Variants in LRRC66 observed in about 807,000 individuals in gnomAD.
LRRC66 encodes leucine rich repeat containing 66.
LRRC66 carries 29 observed loss-of-function variants against 24.6 expected under a neutral mutation model. The observed-to-expected ratio is 1.18, with a 90% CI of 0.88 to 1.61. LRRC66 has a LOEUF of 1.61. Among genes scored for constraint, LRRC66 ranks in the 40% most tolerant of loss-of-function variants. The pLI, the probability that LRRC66 is intolerant of heterozygous loss-of-function variation, is 0.00. For synonymous variants in LRRC66, 411 were observed against 397.6 expected (o/e 1.03, Z -0.40); for missense variants, 1,124 against 1,058.0 (o/e 1.06, Z -0.87).
Position 52,003,338 on chromosome 4 carries a change from A to C in LRRC66, c.551T>G (p.Leu184Trp). Residue 184 changes from leucine (L) to tryptophan (W), a missense_variant, in exon 3 of 5, where the codon TTG becomes TGG. Transcript: ENST00000682860. ...GTGAAAATCAGACCACCCTATTTGCAATATCCCATTGAATGACAGATCCAA... is the reference window on the plus strand; with the variant it reads ...GTGAAAATCAGACCACCCTATTTGCCATATCCCATTGAATGACAGATCCAA... ...QSLDLSFNGILQIGWSDFHNC... is the reference protein window; with the variant it reads ...QSLDLSFNGIWQIGWSDFHNC... 1 of 1,613,932 alleles carries C rather than the reference A, an allele frequency of 6.2e-7. No individual in the cohort carries two copies. Among genetic ancestry groups the C allele is most frequent in the Admixed American group, 1.7e-5 (1 of 60,004 alleles).
Position 51,995,916 on chromosome 4 carries a change from T to G in LRRC66, c.1106A>C (p.Glu369Ala), listed in dbSNP as rs1280535773. ...TRDVQAAGKK[E>A]DAPQDLALAV... is the part of the protein sequence containing the mutation. ...CAGAGCCAGGTCCTGGGGAGCGTCC[T>G]CTTTTTTGCCGGCAGCCTGCACATC... The change falls in exon 5 of 5, where the codon GAG becomes GCG. Residue 369 changes from glutamate (E) to alanine (A), a missense_variant. Physicochemically the swap from Glu to Ala is moderately radical, Grantham distance 107. Transcript: ENST00000682860. The G allele has an allele frequency of 1.2e-6, 2 of 1,613,838 alleles. No homozygotes were observed. Among genetic ancestry groups the G allele is most frequent in the Non-Finnish European group, 1.7e-6 (2 of 1,179,874 alleles).
intron 2 of LRRC66, among the ~76,000 whole-genome samples, chr4:52,016,791 T>C (rs749939022): frequency 6.6e-6 from 1 of 152,214 alleles, no homozygotes; most frequent in Non-Finnish European, 1.5e-5. Flanking sequence ...TATTGCTCAG[T>C]GCTTTTCTAT....
chr4:52,011,346 T>C lies in LRRC66; in HGVS notation c.496+5772A>G, dbSNP rs568389733. ...TCTGCCTTCTTAGTTGAGTATCTTATATACTTTTTGTTTTAATTATCTTGA... is the reference window on the plus strand; with the variant it reads ...TCTGCCTTCTTAGTTGAGTATCTTACATACTTTTTGTTTTAATTATCTTGA... On this transcript the variant is annotated intron_variant, in intron 2 of 4. Transcript: ENST00000682860. Among the ~76,000 whole-genome samples, 7 of 152,344 alleles carry C rather than the reference T, an allele frequency of 4.6e-5. No homozygotes were observed. In the South Asian group the frequency reaches 8.3e-4, roughly 18 times the overall value.
At chr4:52,006,696 TATAATAATAATA>T (rs71660471) in intron 2 of LRRC66, among the ~76,000 whole-genome samples, 26 of 132,828 alleles carry the variant, frequency 2.0e-4, no homozygotes, top group African/African-American at 5.7e-4. Flanking sequence ...AAACTTAAAG[TATAATAATAATA>T]ATAATAATAA....
intron 2 of LRRC66, among the ~76,000 whole-genome samples, chr4:52,006,410 A>G (rs1433883822): frequency 2.0e-5 from 3 of 152,082 alleles, no homozygotes; most frequent in African/African-American, 7.2e-5. Flanking sequence ...AGGGACATGG[A>G]TGAAATTGGA....
At chr4:52,007,710 T>G (rs1466727766) in intron 2 of LRRC66, among the ~76,000 whole-genome samples, 8 of 152,186 alleles carry the variant, frequency 5.3e-5, no homozygotes, top group Non-Finnish European at 1.0e-4. Context: ...CCCACTGAGT[T>G]GAGTTTGGCC....
intron 2 of LRRC66, among the ~76,000 whole-genome samples, chr4:52,013,316 A>G (rs566221743): frequency 3.3e-5 from 5 of 152,156 alleles, no homozygotes; most frequent in African/African-American, 1.2e-4. Context: ...GTATTATTTT[A>G]TCTTATTTCT....
In LRRC66 at chr4:52,017,513, G is replaced by T. The variant is rs760520412; in HGVS notation, c.101C>A (p.Ser34Tyr). ...AATATATTCATTCCATTGGCATTCA[G>T]AATTGAATAAAATATTGCTTTTTCT... ...ASRKSNILFNSECQWNEYILT... is the reference protein window; with the variant it reads ...ASRKSNILFNYECQWNEYILT... Residue 34 changes from serine to tyrosine, a missense_variant, in exon 2 of 5, where the codon TCT becomes TAT. Coordinates refer to ENST00000682860, the MANE Select transcript of LRRC66 (RefSeq NM_001024611.3). 4.3e-6 allele frequency: 7 copies of T among 1,613,326 alleles called. No individual in the cohort carries two copies. In the South Asian group the frequency reaches 7.7e-5, roughly 18 times the overall value.
At position 51,994,948 on chromosome 4, in the gene LRRC66, G is replaced by A; in HGVS notation, c.2074C>T (p.Pro692Ser). 1.2e-6 allele frequency: 2 copies of A among 1,614,122 alleles called. No individual in the cohort carries two copies. The highest frequency in any genetic ancestry group is 1.7e-6 in the Non-Finnish European group (2 of 1,180,040). Residue 692 changes from proline to serine, a missense_variant, in exon 5 of 5, where the codon CCT (proline) becomes TCT (serine). Physicochemically the swap from Pro to Ser is moderately conservative, Grantham distance 74. Transcript: ENST00000682860. ...TCCAACTCACAGCAAGTGTCAGAAG[G>A]AGTGGATTTCTGCACTGGTTCCTTG... ...ANKEPVQKST[P>S]SDTCCELESD...
chr4:51,995,268 G>A lies in LRRC66; in HGVS notation c.1754C>T (p.Thr585Ile). ...TGTTAGCATTTTACAGAGGGAAGCT[G>A]TTATTTCTCCGGAGAGGGAAGGGTC... is the stretch of plus-strand genomic sequence containing the variant. ...ELDPSLSGEI[T>I]ASLCKMLTHA... The change falls in exon 5 of 5, where the codon ACA becomes ATA. Residue 585 changes from threonine (T) to isoleucine (I), a missense_variant. Thr to Ile is a moderately conservative substitution (Grantham distance 89). Coordinates refer to ENST00000682860, the MANE Select transcript of LRRC66 (RefSeq NM_001024611.3). 1 of 1,614,234 alleles carries A rather than the reference G, an allele frequency of 6.2e-7. No homozygotes were observed. The highest frequency in any genetic ancestry group is 8.5e-7 in the Non-Finnish European group (1 of 1,180,046).
chr4:52,017,962 C>A (rs1736858351), intron 1 of LRRC66: 5 of 985,328 alleles, frequency 5.1e-6, no homozygotes, highest in Non-Finnish European at 6.0e-6. Context: ...TTAAAGACTT[C>A]CCTGTTTCTT....
rs751520249 is a variant in LRRC66 at position 52,017,130 on chromosome 4, C to G, written c.484G>C (p.Asp162His). 6.2e-7 allele frequency: 1 copy of G among 1,612,994 alleles called. No homozygotes were observed. The highest frequency in any genetic ancestry group is 1.3e-5 in the African/African-American group (1 of 74,884). Residue 162 changes from aspartate to histidine, a missense_variant, in exon 2 of 5, where the codon GAC (aspartate) becomes CAC (histidine). Asp to His is a moderately conservative substitution (Grantham distance 81). Coordinates refer to ENST00000682860, the MANE Select transcript of LRRC66 (RefSeq NM_001024611.3). The part of the protein sequence containing the change: ...VLILQRNKLS[D>H]TPKGLWKLKS... ...AAATTGTACTCACCCTTGGGAGTGT[C>G]ACTGAGTTTATTTCTTTGAAGAATG... is the stretch of plus-strand genomic sequence containing the variant.
At chr4:52,019,549 T>A (rs1030504575) in intron 1 of LRRC66, among the ~76,000 whole-genome samples, 1 of 152,214 alleles carries the variant, frequency 6.6e-6, no homozygotes, top group Admixed American at 6.5e-5. Context: ...TTCAAGGGCA[T>A]TTAAATTCAG....
At chr4:51,998,641 C>A (rs1214423613) in intron 3 of LRRC66, among the ~76,000 whole-genome samples, 2 of 152,156 alleles carry the variant, frequency 1.3e-5, no homozygotes, top group Non-Finnish European at 2.9e-5. Flanking sequence ...ACTTATTTTT[C>A]TAGTCTGATC....
intron 2 of LRRC66, among the ~76,000 whole-genome samples, chr4:52,015,903 G>A (rs1307295515): frequency 6.6e-6 from 1 of 151,990 alleles, no homozygotes; most frequent in African/African-American, 2.4e-5. Context: ...ATCCAATTTT[G>A]AAAGAAAAAG....
chr4:52,011,614 A>C (rs1359615218), intron 2 of LRRC66, among the ~76,000 whole-genome samples: 1 of 152,188 alleles, frequency 6.6e-6, no homozygotes, highest in Non-Finnish European at 1.5e-5. Flanking sequence ...CAGGGCAGGA[A>C]ATATAGAATT....
chr4:51,999,043 A>G (rs1362305958), intron 3 of LRRC66, among the ~76,000 whole-genome samples: 2 of 152,182 alleles, frequency 1.3e-5, no homozygotes, highest in Non-Finnish European at 2.9e-5. Flanking sequence ...AATGCAGAAC[A>G]TACCCTCTTG....
Position 52,017,098 on chromosome 4 carries a change from C to T in LRRC66, c.496+20G>A. 1 of 1,577,608 alleles carries T rather than the reference C, an allele frequency of 6.3e-7. No homozygotes were observed. The highest frequency in any genetic ancestry group is 8.6e-7 in the Non-Finnish European group (1 of 1,163,350). On this transcript the variant is annotated intron_variant, in intron 2 of 4. Coordinates refer to ENST00000682860, the MANE Select transcript of LRRC66 (RefSeq NM_001024611.3). ...CTCCACGTAAGCATTGTTTCTCTGC[C>T]TAGTTAAAATTGTACTCACCCTTGG...
intron 2 of LRRC66, among the ~76,000 whole-genome samples, chr4:52,006,088 TTGAG>T (rs2110198277): frequency 6.6e-6 from 1 of 152,324 alleles, no homozygotes; most frequent in South Asian, 2.1e-4. Flanking sequence ...CTTAATTGAA[TTGAG>T]TAAGTGCCCT....
Sources: gnomAD v4.1 joint callset for allele counts (sites outside exome capture counted in the v4.1 genomes callset) on GRCh38, gnomAD v4.1.1 for gene constraint, MANE v1.5 for transcripts, NCBI Gene and HGNC (gene_info 2026-07-23, HGNC 2026-07-21) for gene names.